Variants in SYT6 observed in about 807,000 individuals in gnomAD.
SYT6 encodes synaptotagmin-6.
In SYT6, 24 loss-of-function variants were observed where a neutral mutation model predicts 38.4. The observed-to-expected ratio is 0.62, with a 90% CI of 0.45 to 0.88. The LOEUF (loss-of-function observed/expected upper bound fraction) is 0.88, where lower values mean the gene tolerates loss of function less well. Ranked by LOEUF, SYT6 falls within the 40% of genes least tolerant of loss-of-function variation. The pLI is 0.00. For synonymous variants in SYT6, 265 were observed against 241.9 expected, an observed-to-expected ratio of 1.10 and a Z score of -0.89; for missense variants, 611 against 621.0, an observed-to-expected ratio of 0.98 and a Z score of 0.17.
chr1:114,141,478 GA>G (rs1486811606), intron 1 of SYT6, among the ~76,000 whole-genome samples: 3 of 152,208 alleles, frequency 2.0e-5, no homozygotes, highest in Non-Finnish European at 4.4e-5. Context: ...AGAAACGTTT[GA>G]ATCTAGCAGA....
At chr1:114,095,333 AATCAATTATTTGGC>A (rs1297467778) in intron 6 of SYT6, among the ~76,000 whole-genome samples, 5 of 152,224 alleles carry the variant, frequency 3.3e-5, no homozygotes, top group Non-Finnish European at 7.3e-5. Flanking sequence ...AGGGACTTGG[AATCAATTATTTGGC>A]TTAATTAGGT....
At chr1:114,129,564 T>TTTTCTTTTC (rs1553183057) in intron 3 of SYT6, among the ~76,000 whole-genome samples, 4 of 112,940 alleles carry the variant, frequency 3.5e-5, no homozygotes, top group African/African-American at 1.4e-4. Context: ...TTTTTCTTTC[T>TTTTCTTTTC]TTTCTTTCTT....
intron 1 of SYT6, among the ~76,000 whole-genome samples, chr1:114,151,459 C>G (rs1184847721): frequency 1.3e-5 from 2 of 152,210 alleles, no homozygotes; most frequent in Non-Finnish European, 1.5e-5. Flanking sequence ...CATCCAGGCA[C>G]CTGTCATTCC....
chr1:114,121,994 T>C (rs1433704976), intron 3 of SYT6, among the ~76,000 whole-genome samples: 5 of 152,164 alleles, frequency 3.3e-5, no homozygotes, highest in Non-Finnish European at 4.4e-5. Flanking sequence ...GGCCACACAG[T>C]GGAGCCACCT....
chr1:114,106,173 A>T (rs1676300868), intron 3 of SYT6, among the ~76,000 whole-genome samples: 1 of 152,206 alleles, frequency 6.6e-6, no homozygotes, highest in Non-Finnish European at 1.5e-5. Context: ...AGGTGTAAAG[A>T]GAAGCCCCTT....
chr1:114,101,471 C>T (rs1176745248), intron 4 of SYT6, among the ~76,000 whole-genome samples: 2 of 152,194 alleles, frequency 1.3e-5, no homozygotes, highest in Admixed American at 6.5e-5. Context: ...AGAATGTGCT[C>T]ACCACCCCTT....
intron 3 of SYT6, among the ~76,000 whole-genome samples, chr1:114,137,288 T>C (rs1678535396): frequency 6.6e-6 from 1 of 152,172 alleles, no homozygotes; most frequent in Non-Finnish European, 1.5e-5. Context: ...CTTCCCTTCC[T>C]AGCTACATGG....
Position 114,091,471 on chromosome 1 carries a change from G to A in SYT6, c.*663C>T, listed in dbSNP as rs1675297945. ...CTCAGAGGTCTTGTGATTTCAACAC[G>A]GGACTGAGGGTCCCAGCGTGGTTTA... On this transcript the variant is annotated 3_prime_UTR_variant, in exon 8 of 8. Coordinates refer to ENST00000610222, the MANE Select transcript of SYT6 (RefSeq NM_001253772.2). 6.6e-6 allele frequency: 1 copy of A among 152,304 alleles called. No homozygotes were observed. 9.4% of individuals were successfully genotyped at this position (152,304 alleles called of 1,614,324 possible).
At chr1:114,140,013 G>T in intron 1 of SYT6, 50 bp from the exon 2 acceptor site, 1 of 1,158,812 alleles carries the variant, frequency 8.6e-7, no homozygotes, top group South Asian at 1.6e-5. Context: ...CAGAGGCGGG[G>T]AGAAGCGGGT....
intron 1 of SYT6, among the ~76,000 whole-genome samples, chr1:114,141,826 G>A (rs1285788435): frequency 3.3e-5 from 5 of 152,028 alleles, no homozygotes; most frequent in East Asian, 1.9e-4. Context: ...AAAATCCTAC[G>A]GCCCTTAAGA....
At chr1:114,136,837 G>A (rs905800140) in intron 3 of SYT6, among the ~76,000 whole-genome samples, 6 of 152,160 alleles carry the variant, frequency 3.9e-5, no homozygotes, top group East Asian at 1.9e-4. Context: ...CTGGGCACTC[G>A]GTAGGATTAC....
intron 1 of SYT6, among the ~76,000 whole-genome samples, chr1:114,144,244 G>A (rs1223720952): frequency 6.6e-6 from 1 of 152,140 alleles, no homozygotes; most frequent in Non-Finnish European, 1.5e-5. Flanking sequence ...TCCACTTCCT[G>A]TTCCCTGTCT....
chr1:114,098,764 A>G (rs2101626217), intron 5 of SYT6, among the ~76,000 whole-genome samples: 1 of 152,332 alleles, frequency 6.6e-6, no homozygotes, highest in East Asian at 1.9e-4. Flanking sequence ...CAGCAGAAAT[A>G]GAGAGGATAG....
At chr1:114,100,393 A>G (rs1164650496) in intron 4 of SYT6, among the ~76,000 whole-genome samples, 1 of 152,186 alleles carries the variant, frequency 6.6e-6, no homozygotes, top group Non-Finnish European at 1.5e-5. Context: ...TCTCCTGGAC[A>G]TCGAGCACCC....
intron 6 of SYT6, among the ~76,000 whole-genome samples, chr1:114,094,297 C>G (rs1175063602): frequency 1.3e-5 from 2 of 152,186 alleles, no homozygotes; most frequent in Non-Finnish European, 2.9e-5. Flanking sequence ...CCCCAGCACA[C>G]AGGGAGATTA....
chr1:114,133,236 AG>A, intron 3 of SYT6, among the ~76,000 whole-genome samples: 1 of 152,158 alleles, frequency 6.6e-6, no homozygotes, highest in Non-Finnish European at 1.5e-5. Context: ...CTGGTAAGGC[AG>A]GAAGATGGCC....
chr1:114,140,700 C>T (rs1678819689), intron 1 of SYT6, among the ~76,000 whole-genome samples: 1 of 152,218 alleles, frequency 6.6e-6, no homozygotes, highest in South Asian at 2.1e-4. Flanking sequence ...CTTCATTTTG[C>T]TATGCTTCAC....
intron 3 of SYT6, among the ~76,000 whole-genome samples, chr1:114,132,199 A>G (rs1678200415): frequency 6.6e-6 from 1 of 152,204 alleles, no homozygotes; most frequent in Non-Finnish European, 1.5e-5. Context: ...AGCGCATCCC[A>G]GTAAATGGGG....
intron 1 of SYT6, among the ~76,000 whole-genome samples, chr1:114,150,657 G>T (rs1679395869): frequency 6.6e-6 from 1 of 152,128 alleles, no homozygotes; most frequent in African/African-American, 2.4e-5. Flanking sequence ...TCTGCAGCTT[G>T]GCTTATGGAA....
Sources: gnomAD v4.1 joint callset for allele counts (sites outside exome capture counted in the v4.1 genomes callset) on GRCh38, gnomAD v4.1.1 for gene constraint, MANE v1.5 for transcripts, NCBI Gene and HGNC (gene_info 2026-07-23, HGNC 2026-07-21) for gene names.